CTNNA3: variants seen among roughly 807,000 people sequenced by gnomAD.
CTNNA3 encodes the protein catenin alpha-3.
Under a neutral mutation model 95.7 loss-of-function variants are expected in CTNNA3, and 76 were observed. The ratio of observed to expected loss-of-function variants is 0.79; its 90% CI spans 0.66 to 0.96. CTNNA3 has a LOEUF of 0.96. Among genes scored for constraint, CTNNA3 ranks in the 40% least tolerant of loss-of-function variants. The probability of loss-of-function intolerance (pLI) is 0.00; values close to 1 mark genes in which losing one functional copy is unlikely to be tolerated. For missense variants in CTNNA3, 1,191 were observed against 1,089.8 expected (o/e 1.09, Z -1.31); for synonymous variants, 431 against 374.4 (o/e 1.15, Z -1.74).
At chr10:66,843,763 C>T (rs751226254) in intron 7 of CTNNA3, among the ~76,000 whole-genome samples, 3 of 152,102 alleles carry the variant, frequency 2.0e-5, no homozygotes, top group African/African-American at 4.8e-5. Flanking sequence ...TTCAACCATC[C>T]GGGTCTTCAG....
At chr10:67,379,695 G>A (rs1391032562) in intron 5 of CTNNA3, among the ~76,000 whole-genome samples, 1 of 152,118 alleles carries the variant, frequency 6.6e-6, no homozygotes, top group East Asian at 1.9e-4. Context: ...GTACAATGAG[G>A]TGAAAATCCT....
At chr10:66,154,742 T>TATATATATATATATATATATATA (rs2084398891) in intron 13 of CTNNA3, among the ~76,000 whole-genome samples, 3 of 18,726 alleles carry the variant, frequency 1.6e-4, no homozygotes, top group African/African-American at 4.4e-4. Flanking sequence ...ATATATATAT[T>TATATATATATATATATATATATA]TCCCTTGAAC....
chr10:66,822,255 T>C (rs1457558530), intron 7 of CTNNA3, among the ~76,000 whole-genome samples: 1 of 151,976 alleles, frequency 6.6e-6, no homozygotes, highest in Non-Finnish European at 1.5e-5. Context: ...ATATTTAATA[T>C]ATAAGATGTC....
At chr10:67,128,212 A>T (rs1859817758) in intron 7 of CTNNA3, among the ~76,000 whole-genome samples, 1 of 152,158 alleles carries the variant, frequency 6.6e-6, no homozygotes, top group Non-Finnish European at 1.5e-5. Flanking sequence ...TTCTGTGAAG[A>T]CATTTTAGAT....
At chr10:67,195,955 G>T (rs778067151) in intron 6 of CTNNA3, among the ~76,000 whole-genome samples, 1 of 151,294 alleles carries the variant, frequency 6.6e-6, no homozygotes, top group African/African-American at 2.5e-5. Context: ...TATCAAATGA[G>T]ATGCAGCTAC....
At chr10:66,471,865 C>G (rs1051527873) in intron 11 of CTNNA3, among the ~76,000 whole-genome samples, 16 of 151,878 alleles carry the variant, frequency 1.1e-4, no homozygotes, top group Admixed American at 3.9e-4. Context: ...TCAAACAAAA[C>G]CCCCCAAAAC....
At chr10:66,896,031 A>C (rs1369276566) in intron 7 of CTNNA3, among the ~76,000 whole-genome samples, 5 of 151,840 alleles carry the variant, frequency 3.3e-5, no homozygotes, top group African/African-American at 1.2e-4. Flanking sequence ...CAGGAGGTGG[A>C]GGTTGTGGTG....
chr10:66,867,787 T>C (rs956142117), intron 7 of CTNNA3, among the ~76,000 whole-genome samples: 5 of 151,768 alleles, frequency 3.3e-5, no homozygotes, highest in Admixed American at 1.3e-4. Flanking sequence ...TATTTTTCAA[T>C]GTACAGATAC....
intron 7 of CTNNA3, among the ~76,000 whole-genome samples, chr10:66,901,535 T>A (rs1330950711): frequency 6.6e-6 from 1 of 152,114 alleles, no homozygotes; most frequent in African/African-American, 2.4e-5. Context: ...AAAATTAACC[T>A]TAAATGTAAA....
At chr10:67,076,452 G>A (rs954876827) in intron 7 of CTNNA3, among the ~76,000 whole-genome samples, 2 of 152,192 alleles carry the variant, frequency 1.3e-5, no homozygotes, top group Non-Finnish European at 2.9e-5. Context: ...AATGTAGGAA[G>A]ACCAATACAT....
At chr10:66,449,415 C>T (rs1198660991) in intron 11 of CTNNA3, among the ~76,000 whole-genome samples, 1 of 152,084 alleles carries the variant, frequency 6.6e-6, no homozygotes, top group Non-Finnish European at 1.5e-5. Flanking sequence ...GGATCCTTTA[C>T]AGACATTATA....
intron 5 of CTNNA3, among the ~76,000 whole-genome samples, chr10:67,351,778 G>T (rs541472784): frequency 1.3e-4 from 19 of 151,900 alleles, no homozygotes; most frequent in African/African-American, 4.6e-4. Context: ...ACCTCAAATG[G>T]GCTATTTACT....
chr10:66,177,666 C>T (rs150919977), intron 13 of CTNNA3, among the ~76,000 whole-genome samples: 6 of 152,022 alleles, frequency 3.9e-5, no homozygotes, highest in East Asian at 1.9e-4. Context: ...CATACCAAAA[C>T]GTAAGTGAGC....
intron 11 of CTNNA3, among the ~76,000 whole-genome samples, chr10:66,447,987 A>G (rs2093435469): frequency 6.6e-6 from 1 of 152,190 alleles, no homozygotes; most frequent in African/African-American, 2.4e-5. Context: ...CAAGAGAAAA[A>G]CAAACAACCC....
chr10:67,361,361 G>A (rs184832408), intron 5 of CTNNA3, among the ~76,000 whole-genome samples: 2 of 152,216 alleles, frequency 1.3e-5, no homozygotes, highest in East Asian at 3.9e-4. Flanking sequence ...CTGCAAGACT[G>A]ATCACATGCT....
In CTNNA3 at chr10:66,819,092, T is replaced by TAAAAAAAAA. The variant is rs35494489; in HGVS notation, c.1048-43577_1048-43569dup. 1.0e-3 allele frequency among the ~76,000 whole-genome samples: 112 copies of TAAAAAAAAA among 110,664 alleles called. 1 individual carries two copies. The highest frequency in any genetic ancestry group is 3.9e-3 in the African/African-American group (106 of 27,310). The allele number at this position is 110,664 out of a possible 152,430, so 72.6% of individuals were successfully genotyped here. A position where few individuals can be genotyped will look rare whatever the true frequency, so the allele number is the denominator to read the frequency against. On this transcript the variant is annotated intron_variant, in intron 7 of 17. Transcript: ENST00000433211. Reference sequence around the variant, plus strand: ...GGGCAACAGAGGGAAACTCTTGTCTTAAAAAAAAAAAAAAAAAAAAAAAGG... The same window carrying TAAAAAAAAA: ...GGGCAACAGAGGGAAACTCTTGTCTTAAAAAAAAAAAAAAAAAAAAAAAAAAAAAAAAGG...
Position 67,116,114 on chromosome 10 carries a change from C to A in CTNNA3, c.1047+64203G>T, listed in dbSNP as rs948351294. Among the ~76,000 whole-genome samples, 17 of 151,908 alleles carry A rather than the reference C, an allele frequency of 1.1e-4. No individual in the cohort carries two copies. The East Asian group carries it at 1.9e-3, about 17-fold the overall frequency. On this transcript the variant is annotated intron_variant, in intron 7 of 17. Transcript: ENST00000433211. The stretch of plus-strand genomic sequence containing the variant: ...CCAGGCATAACTCCTGGGGTCATAT[C>A]AATTGCATTTGCAGCAGTGGTATAA...
chr10:67,711,265 C>A lies in CTNNA3; in HGVS notation c.-2+52169G>T, dbSNP rs779724324. Reference sequence around the variant, plus strand: ...ATTACTGAAAAGATACCCAAAAATGCGGAAGCGACTGGAACTGGGTAATAG... The same window carrying A: ...ATTACTGAAAAGATACCCAAAAATGAGGAAGCGACTGGAACTGGGTAATAG... On this transcript the variant is annotated intron_variant, in intron 1 of 17. Coordinates refer to the CTNNA3 transcript ENST00000684154. Among the ~76,000 whole-genome samples the A allele has an allele frequency of 7.4e-4, 112 of 152,154 alleles. No individual in the cohort carries two copies. The Middle Eastern group carries it at 0.017, about 23-fold the overall frequency.
chr10:66,237,210 A>C (rs1207970922), intron 13 of CTNNA3, among the ~76,000 whole-genome samples: 1 of 152,180 alleles, frequency 6.6e-6, no homozygotes, highest in Non-Finnish European at 1.5e-5. Context: ...TTTTATATTC[A>C]ACCACTGAAT....
Sources: allele counts gnomAD v4.1 joint callset (sites outside exome capture counted in the v4.1 genomes callset), GRCh38; gene constraint gnomAD v4.1.1; transcripts MANE v1.5; gene names NCBI Gene and HGNC (gene_info 2026-07-23, HGNC 2026-07-21).